The following FGD5 variants were observed in gnomAD, a reference collection of about 807,000 sequenced individuals.
FGD5 encodes the protein FYVE, RhoGEF and PH domain containing 5.
In FGD5, 28 loss-of-function variants were observed where a neutral mutation model predicts 133.4. That is an observed-to-expected ratio of 0.21 (90% CI 0.16 to 0.29). The LOEUF is 0.29. FGD5 is among the 10% of genes least tolerant of loss of function. The probability of loss-of-function intolerance (pLI) is 1.00; values close to 1 mark genes in which losing one functional copy is unlikely to be tolerated. For missense variants in FGD5, 1,858 were observed against 1,895.2 expected, an observed-to-expected ratio of 0.98 and a Z score of 0.36; for synonymous variants, 810 against 776.5, an observed-to-expected ratio of 1.04 and a Z score of -0.72.
intron 11 of FGD5, among the ~76,000 whole-genome samples, chr3:14,913,620 C>T (rs959049747): frequency 6.6e-6 from 1 of 152,224 alleles, no homozygotes; most frequent in Non-Finnish European, 1.5e-5. Context: ...CAGGGCAGAG[C>T]TCTGTCTTGG....
In FGD5 at chr3:14,901,875, C is replaced by T. The variant is rs138267547; in HGVS notation, c.3264+814C>T. Among the ~76,000 whole-genome samples the T allele has an allele frequency of 6.7e-3, 1,017 of 152,236 alleles. 6 individuals are homozygous for T. The highest frequency in any genetic ancestry group is 0.012 in the Non-Finnish European group (798 of 68,012). ...AGATACAAGCCCTTGAGGAAACCTC[C>T]GCTTAGTGGAGTAACTAAATATGTG... On this transcript the variant is annotated intron_variant, in intron 9 of 19. Transcript: ENST00000285046.
At chr3:14,838,591 C>T (rs2036861834) in intron 1 of FGD5, among the ~76,000 whole-genome samples, 1 of 152,182 alleles carries the variant, frequency 6.6e-6, no homozygotes, top group Non-Finnish European at 1.5e-5. Context: ...AGCATCAGCT[C>T]AACAAATCTT....
chr3:14,872,858 CTTAG>C (rs774395389), intron 2 of FGD5, among the ~76,000 whole-genome samples: 14 of 152,116 alleles, frequency 9.2e-5, no homozygotes, highest in African/African-American at 1.7e-4. Flanking sequence ...GAACAGGGGG[CTTAG>C]TTAGTCAGTG....
intron 4 of FGD5, among the ~76,000 whole-genome samples, chr3:14,881,790 G>A (rs967596553): frequency 3.3e-5 from 5 of 152,196 alleles, no homozygotes; most frequent in Non-Finnish European, 5.9e-5. Context: ...ACACAGTGGT[G>A]GAGCCAGGAC....
chr3:14,836,790 A>T (rs2036825663), intron 1 of FGD5, among the ~76,000 whole-genome samples: 1 of 152,116 alleles, frequency 6.6e-6, no homozygotes, highest in East Asian at 1.9e-4. Flanking sequence ...AATAAATATG[A>T]TAGGAAAGTG....
At position 14,885,143 on chromosome 3, in the gene FGD5, C is replaced by A. The variant is rs1168615328; in HGVS notation, c.2748+4371C>A. On this transcript the variant is annotated intron_variant, in intron 4 of 19. Coordinates refer to ENST00000285046, the MANE Select transcript of FGD5 (RefSeq NM_152536.4). ...CTCTTATCTTTTATTCCCACGTTCG[C>A]CCCCTTTGTTCAGTTCCTCTAGGTC... Among the ~76,000 whole-genome samples the A allele has an allele frequency of 2.6e-5, 4 of 151,710 alleles. No individual in the cohort carries two copies. The East Asian group carries it at 7.8e-4, about 30-fold the overall frequency.
chr3:14,932,522 A>G, intron 18 of FGD5, 55 bp from the exon 19 acceptor site: 1 of 1,570,690 alleles, frequency 6.4e-7, no homozygotes, highest in Non-Finnish European at 8.6e-7. Flanking sequence ...GATAACAGTA[A>G]ATGACTATGC....
At chr3:14,829,475 G>C (rs1008161762) in intron 1 of FGD5, among the ~76,000 whole-genome samples, 4 of 152,192 alleles carry the variant, frequency 2.6e-5, no homozygotes, top group Admixed American at 1.3e-4. Context: ...GGCTGTGGCT[G>C]CAGCCAGGGG....
rs1417930924 is a variant in FGD5 at position 14,819,189 on chromosome 3, C to T, written c.118C>T (p.Pro40Ser). Residue 40 changes from proline to serine, a missense_variant, in exon 1 of 20, where the codon CCC (proline) becomes TCC (serine). Coordinates refer to ENST00000285046, the MANE Select transcript of FGD5 (RefSeq NM_152536.4). The surrounding 1 kb of genome is among the most constrained non-coding windows in gnomAD (Gnocchi z 4.1). The stretch of plus-strand genomic sequence containing the variant: ...GAACAAATGCAGCAACGGGCGGCTG[C>T]CCTGTGTAGACAGGGGGCTTGATGA... ...SLNKCSNGRL[P>S]CVDRGLDEGP... The T allele has an allele frequency of 1.9e-6, 3 of 1,551,164 alleles. No individual in the cohort carries two copies. The African/African-American group carries it at 4.1e-5, about 21-fold the overall frequency.
At chr3:14,855,651 GT>G (rs564359159) in intron 1 of FGD5, among the ~76,000 whole-genome samples, 61 of 147,836 alleles carry the variant, frequency 4.1e-4, no homozygotes, top group East Asian at 3.1e-3. Context: ...CCATTTGTAT[GT>G]TTTTTTTTTG....
At chr3:14,840,364 C>T (rs537550088) in intron 1 of FGD5, among the ~76,000 whole-genome samples, 282 of 152,176 alleles carry the variant, frequency 1.9e-3, no homozygotes, top group Non-Finnish European at 3.5e-3. Context: ...AGGCTGGTCT[C>T]GAACTCCTGA....
At chr3:14,884,323 G>A (rs1575230961) in intron 4 of FGD5, among the ~76,000 whole-genome samples, 1 of 152,150 alleles carries the variant, frequency 6.6e-6, no homozygotes, top group Non-Finnish European at 1.5e-5. Context: ...GATAACTCTG[G>A]AAGTTGTCAC....
chr3:14,869,310 TACAAACAA>T (rs72052662), intron 2 of FGD5, among the ~76,000 whole-genome samples: 10 of 151,330 alleles, frequency 6.6e-5, no homozygotes, highest in South Asian at 2.1e-4. Flanking sequence ...ACAACAACAA[TACAAACAA>T]ACAAACAAAC....
chr3:14,849,545 A>G (rs1267100597), intron 1 of FGD5, among the ~76,000 whole-genome samples: 2 of 152,186 alleles, frequency 1.3e-5, no homozygotes, highest in Admixed American at 6.5e-5. Flanking sequence ...GATGAGTATA[A>G]TAATAGTGCT....
At chr3:14,897,417 G>C (rs2038157957) in intron 4 of FGD5, 92 bp from the exon 5 acceptor site, 1 of 1,449,406 alleles carries the variant, frequency 6.9e-7, no homozygotes, top group Admixed American at 2.2e-5. Flanking sequence ...CTTCACAGAG[G>C]CCAGGGCTCC....
intron 1 of FGD5, among the ~76,000 whole-genome samples, chr3:14,831,531 C>T (rs2036707070): frequency 6.6e-6 from 1 of 152,106 alleles, no homozygotes. Flanking sequence ...GAACCAGTGG[C>T]GCTGAGGTCC....
chr3:14,824,372 C>T (rs957818594), intron 1 of FGD5, among the ~76,000 whole-genome samples: 1 of 152,140 alleles, frequency 6.6e-6, no homozygotes, highest in Admixed American at 6.6e-5. Flanking sequence ...GATCTGAGAC[C>T]TCTGCCTAGG....
chr3:14,843,686 CTT>C (rs71919787), intron 1 of FGD5, among the ~76,000 whole-genome samples: 6 of 48,232 alleles, frequency 1.2e-4, no homozygotes, highest in African/African-American at 2.5e-4. Flanking sequence ...CCCCAGGGTG[CTT>C]TTTTTTTTTT....
chr3:14,821,419 A>G lies in FGD5; in HGVS notation c.2348A>G (p.Asp783Gly), dbSNP rs200973032. The part of the protein sequence containing the change: ...DYENIPAMNS[D>G]YENIQIPPRR... Reference sequence around the variant, plus strand: ...GAGAACATTCCAGCCATGAACTCGGACTATGAGAATATCCAGATTCCACCC... The same window carrying G: ...GAGAACATTCCAGCCATGAACTCGGGCTATGAGAATATCCAGATTCCACCC... Residue 783 changes from aspartate (D) to glycine (G), a missense_variant, in exon 1 of 20, where the codon GAC becomes GGC. Asp to Gly is a moderately conservative substitution (Grantham distance 94). Transcript: ENST00000285046. 6.2e-7 allele frequency: 1 copy of G among 1,613,888 alleles called. No individual in the cohort carries two copies. The highest frequency in any genetic ancestry group is 1.3e-5 in the African/African-American group (1 of 74,922).
Sources: allele counts gnomAD v4.1 joint callset (sites outside exome capture counted in the v4.1 genomes callset), GRCh38; gene constraint gnomAD v4.1.1; non-coding constraint Gnocchi (gnomAD v3.1); transcripts MANE v1.5; gene names NCBI Gene and HGNC (gene_info 2026-07-23, HGNC 2026-07-21).